Variants in NCALD observed in about 807,000 individuals in gnomAD.
NCALD encodes the protein neurocalcin delta.
Under a neutral mutation model 18.6 loss-of-function variants are expected in NCALD, and 10 were observed. The ratio of observed to expected loss-of-function variants is 0.54; its 90% CI spans 0.33 to 0.91. NCALD has a LOEUF of 0.91. NCALD is among the 40% of genes least tolerant of loss of function. The pLI, the probability that NCALD is intolerant of heterozygous loss-of-function variation, is 0.03. For synonymous variants in NCALD, 88 were observed against 87.4 expected (o/e 1.01, Z -0.04); for missense variants, 184 against 247.6 (o/e 0.74, Z 1.72).
chr8:101,825,504 T>C (rs1195373337), intron 4 of NCALD, among the ~76,000 whole-genome samples: 1 of 152,246 alleles, frequency 6.6e-6, no homozygotes, highest in Non-Finnish European at 1.5e-5. Context: ...TTGGGATGTG[T>C]GTTGCCACCA....
At chr8:101,969,284 G>A (rs2131886951) in intron 2 of NCALD, among the ~76,000 whole-genome samples, 1 of 152,308 alleles carries the variant, frequency 6.6e-6, no homozygotes, top group African/African-American at 2.4e-5. Flanking sequence ...ATTAAAGGGA[G>A]AAATCTCCTG....
chr8:101,915,721 T>C lies in NCALD; in HGVS notation c.-107+88A>G, dbSNP rs1282481914. ...TATGCTACTATTCTTGATAAAACAT[T>C]TGAACAGAACTGTCTCTTGTGAAAA... On this transcript the variant is annotated intron_variant, in intron 3 of 6. Transcript: ENST00000311028. The C allele has an allele frequency of 2.0e-5, 3 of 152,292 alleles. No homozygotes were observed. The South Asian group carries it at 6.2e-4, about 32-fold the overall frequency. 9.4% of individuals were successfully genotyped at this position (152,292 alleles called of 1,614,324 possible). A position where few individuals can be genotyped will look rare whatever the true frequency, so the allele number is the denominator to read the frequency against.
chr8:101,690,566 A>AG, intron 3 of NCALD: 1 of 985,374 alleles, frequency 1.0e-6, no homozygotes. Flanking sequence ...ACCTGACAGG[A>AG]GGGGGCCTCC....
At chr8:101,976,572 A>T (rs1411149555) in intron 2 of NCALD, among the ~76,000 whole-genome samples, 1 of 152,250 alleles carries the variant, frequency 6.6e-6, no homozygotes, top group African/African-American at 2.4e-5. Flanking sequence ...GGAATATACA[A>T]AATAAATTGT....
chr8:102,055,565 T>C (rs1416055136), intron 1 of NCALD, among the ~76,000 whole-genome samples: 1 of 152,250 alleles, frequency 6.6e-6, no homozygotes, highest in Non-Finnish European at 1.5e-5. Context: ...CTACCCTGCA[T>C]ATGGTGGTGC....
At chr8:101,902,711 G>A (rs931590410) in intron 3 of NCALD, among the ~76,000 whole-genome samples, 25 of 152,090 alleles carry the variant, frequency 1.6e-4, no homozygotes, top group East Asian at 3.9e-4. Context: ...CTCAAATCCC[G>A]GACTGATGCC....
At chr8:101,890,396 C>A (rs1816828196) in intron 3 of NCALD, among the ~76,000 whole-genome samples, 1 of 152,174 alleles carries the variant, frequency 6.6e-6, no homozygotes, top group African/African-American at 2.4e-5. Flanking sequence ...CTGAGCAAAT[C>A]ACTCCTATGT....
intron 1 of NCALD, among the ~76,000 whole-genome samples, chr8:102,093,495 T>TA (rs988077459): frequency 2.0e-5 from 3 of 152,128 alleles, no homozygotes; most frequent in African/African-American, 7.2e-5. Context: ...TTGGTAAGAT[T>TA]AAAAAACAAA....
At chr8:102,118,357 T>A (rs576840164) in intron 1 of NCALD, among the ~76,000 whole-genome samples, 1 of 152,356 alleles carries the variant, frequency 6.6e-6, no homozygotes, top group Admixed American at 6.5e-5. Flanking sequence ...TGCTGGCCAC[T>A]TCTGGTGGGT....
intron 1 of NCALD, among the ~76,000 whole-genome samples, chr8:102,056,828 T>C (rs1012100931): frequency 2.4e-4 from 37 of 152,242 alleles, no homozygotes; most frequent in Middle Eastern, 3.2e-3. Context: ...AGGACTTCAC[T>C]CTGTTTCTTA....
intron 4 of NCALD, among the ~76,000 whole-genome samples, chr8:101,880,650 G>A (rs1337949443): frequency 1.3e-5 from 2 of 152,214 alleles, no homozygotes; most frequent in Non-Finnish European, 1.5e-5. Flanking sequence ...CCCCCAGATA[G>A]TGTGAAAAGC....
At chr8:101,901,289 C>T (rs1039240534) in intron 3 of NCALD, among the ~76,000 whole-genome samples, 1 of 150,142 alleles carries the variant, frequency 6.7e-6, no homozygotes, top group African/African-American at 2.5e-5. Context: ...TTTTAAAAAT[C>T]CATCATGTCA....
intron 1 of NCALD, among the ~76,000 whole-genome samples, chr8:102,042,199 G>T (rs1032550334): frequency 6.6e-6 from 1 of 151,962 alleles, no homozygotes; most frequent in East Asian, 1.9e-4. Context: ...GAATTTCAAA[G>T]TTAATGAACA....
intron 2 of NCALD, among the ~76,000 whole-genome samples, chr8:101,949,292 G>A (rs1410688731): frequency 2.0e-5 from 3 of 152,006 alleles, no homozygotes; most frequent in Non-Finnish European, 4.4e-5. Flanking sequence ...AATGTAAGAC[G>A]CACACTCAGG....
intron 2 of NCALD, among the ~76,000 whole-genome samples, chr8:101,976,305 A>G (rs547048111): frequency 3.3e-5 from 5 of 152,186 alleles, no homozygotes; most frequent in African/African-American, 1.2e-4. Context: ...TCCTGTTGTG[A>G]CCTTGGCTGG....
intron 4 of NCALD, among the ~76,000 whole-genome samples, chr8:101,820,664 T>C (rs1252194674): frequency 6.6e-6 from 1 of 152,178 alleles, no homozygotes; most frequent in African/African-American, 2.4e-5. Flanking sequence ...ATCCCTGCTG[T>C]AGATGGGATA....
Position 101,996,277 on chromosome 8 carries a change from T to C in NCALD, c.-157+23960A>G, listed in dbSNP as rs766025043. Reference sequence around the variant, plus strand: ...ACTACGTATATAAGTTTCCAGGCTGTATGCCTTAATGAGCTATCATCAACT... The same window carrying C: ...ACTACGTATATAAGTTTCCAGGCTGCATGCCTTAATGAGCTATCATCAACT... On this transcript the variant is annotated intron_variant, in intron 2 of 6. Coordinates refer to the NCALD transcript ENST00000311028. Among the ~76,000 whole-genome samples, 41 of 152,360 alleles carry C rather than the reference T, an allele frequency of 2.7e-4. 1 individual carries two copies. Among genetic ancestry groups the C allele is most frequent in the African/African-American group, 7.7e-4 (32 of 41,590 alleles).
In NCALD at chr8:101,790,388, G is replaced by T. The variant is rs1051626502; in HGVS notation, c.-20+474C>A. Among the ~76,000 whole-genome samples, 3 of 152,236 alleles carry T rather than the reference G, an allele frequency of 2.0e-5. No homozygotes were observed. The South Asian group carries it at 6.2e-4, about 32-fold the overall frequency. ...TGTTTCAGTTATAATGTTATTTCCC[G>T]TGGTTCCTATTGTTGCTAAATATGA... On this transcript the variant is annotated intron_variant, in intron 1 of 3. Coordinates refer to ENST00000220931, the MANE Select transcript of NCALD (RefSeq NM_032041.3).
intron 2 of NCALD, among the ~76,000 whole-genome samples, chr8:101,936,503 A>G (rs1818768784): frequency 1.3e-5 from 2 of 152,200 alleles, no homozygotes; most frequent in South Asian, 2.1e-4. Context: ...TTAGAAATAT[A>G]GAAGGTAATA....
Sources: gnomAD v4.1 joint callset for allele counts (sites outside exome capture counted in the v4.1 genomes callset) on GRCh38, gnomAD v4.1.1 for gene constraint, MANE v1.5 for transcripts, NCBI Gene and HGNC (gene_info 2026-07-23, HGNC 2026-07-21) for gene names.